Variants in ANKRD13A observed in about 807,000 individuals in gnomAD.
ANKRD13A encodes the protein ankyrin repeat domain 13A, also known as ankyrin repeat domain-containing protein 13A.
Under a neutral mutation model 81.3 loss-of-function variants are expected in ANKRD13A, and 48 were observed. That is an observed-to-expected ratio of 0.59 (90% CI 0.47 to 0.75). The LOEUF is 0.75. Ranked by LOEUF, ANKRD13A falls within the 30% of genes least tolerant of loss-of-function variation. ANKRD13A has a pLI of 0.00. For missense variants in ANKRD13A, 612 were observed against 734.0 expected, an observed-to-expected ratio of 0.83 and a Z score of 1.92; for synonymous variants, 230 against 270.1, an observed-to-expected ratio of 0.85 and a Z score of 1.45.
chr12:110,014,197 G>A (rs1191070943), intron 3 of ANKRD13A, among the ~76,000 whole-genome samples: 5 of 152,162 alleles, frequency 3.3e-5, no homozygotes, highest in African/African-American at 9.7e-5. Flanking sequence ...TGGATCACGA[G>A]GTCAGGAGAC....
intron 6 of ANKRD13A, chr12:110,023,840 C>A: frequency 2.0e-6 from 1 of 489,472 alleles, no homozygotes; most frequent in Admixed American, 3.7e-5. Flanking sequence ...TGGGGTGAGG[C>A]AAATTGATTA....
chr12:110,025,517 T>C (rs1008058195), intron 7 of ANKRD13A, among the ~76,000 whole-genome samples: 10 of 152,192 alleles, frequency 6.6e-5, no homozygotes, highest in Non-Finnish European at 1.3e-4. Context: ...CACTGCTAAC[T>C]CCTTAGTATT....
In ANKRD13A at chr12:110,039,503, T is replaced by G. The variant is rs2137204387; in HGVS notation, c.*1949T>G. 6.6e-6 allele frequency: 1 copy of G among 152,366 alleles called. No homozygotes were observed. Among genetic ancestry groups the G allele is most frequent in the African/African-American group, 2.4e-5 (1 of 41,586 alleles). 9.4% of individuals were successfully genotyped at this position (152,366 alleles called of 1,614,324 possible). A position where few individuals can be genotyped will look rare whatever the true frequency, so the allele number is the denominator to read the frequency against. On this transcript the variant is annotated 3_prime_UTR_variant, in exon 15 of 15. Coordinates refer to ENST00000261739, the MANE Select transcript of ANKRD13A (RefSeq NM_033121.2). ...GGATGTACCCACACTTCCTGTTACG[T>G]ATGTCAGTAGAACATTAGAATGCCT...
In ANKRD13A at chr12:110,036,188, C is replaced by T. The variant is rs943113757; in HGVS notation, c.1510-73C>T. ...AGACTTTTAATTTGGTTCTTGCTGC[C>T]ATCGTTTCCTTACCAGAATGGCACC... On this transcript the variant is annotated intron_variant, in intron 13 of 14. Coordinates refer to ENST00000261739, the MANE Select transcript of ANKRD13A (RefSeq NM_033121.2). This position sits in a 1 kb window ranked among gnomAD's most constrained non-coding sequence, Gnocchi z 4.6. The T allele has an allele frequency of 2.9e-6, 4 of 1,377,506 alleles. No homozygotes were observed. Among genetic ancestry groups the T allele is most frequent in the Non-Finnish European group, 4.1e-6 (4 of 965,874 alleles). The allele number at this position is 1,377,506 out of a possible 1,614,324, so 85.3% of individuals were successfully genotyped here.
chr12:110,006,389 C>T (rs897761060), intron 1 of ANKRD13A, among the ~76,000 whole-genome samples: 1 of 152,180 alleles, frequency 6.6e-6, no homozygotes, highest in African/African-American at 2.4e-5. Flanking sequence ...TTTTGATTCG[C>T]ATTTCTCTTA....
At chr12:110,028,006 T>C (rs1891444604) in intron 9 of ANKRD13A, 1 of 514,550 alleles carries the variant, frequency 1.9e-6, no homozygotes, top group Non-Finnish European at 3.5e-6. Context: ...CTCTTATCCA[T>C]TATAAACGAG....
In ANKRD13A at chr12:109,999,739, C is replaced by G; in HGVS notation, c.51C>G (p.Val17=). Residue 17 remains valine, a synonymous_variant, in exon 1 of 15, where the codon GTC becomes GTG. Transcript: ENST00000261739. The surrounding 1 kb of genome is among the most constrained non-coding windows in gnomAD (Gnocchi z 4.3). ...AGDHYPLHLL[V]WKNDYRQLEK... ...ACCACTACCCCCTGCACCTCCTAGTCTGGAAAAACGACTACCGGCAGCTCG... is the reference window on the plus strand; with the variant it reads ...ACCACTACCCCCTGCACCTCCTAGTGTGGAAAAACGACTACCGGCAGCTCG... The G allele has an allele frequency of 6.5e-7, 1 of 1,536,016 alleles. No individual in the cohort carries two copies. The highest frequency in any genetic ancestry group is 8.8e-7 in the Non-Finnish European group (1 of 1,139,508).
At chr12:110,009,624 C>T (rs1161948819) in intron 1 of ANKRD13A, among the ~76,000 whole-genome samples, 2 of 152,196 alleles carry the variant, frequency 1.3e-5, no homozygotes, top group Admixed American at 6.6e-5. Flanking sequence ...TTTAAAATCA[C>T]ACTGTCATCA....
chr12:110,028,760 C>A (rs113189922), intron 10 of ANKRD13A, 118 bp downstream of exon 10: 1 of 1,391,896 alleles, frequency 7.2e-7, no homozygotes. Flanking sequence ...TTTTTTCAGA[C>A]GGAGTCTCGC....
chr12:110,005,014 A>G (rs1477779401), intron 1 of ANKRD13A, among the ~76,000 whole-genome samples: 1 of 151,552 alleles, frequency 6.6e-6, no homozygotes, highest in Non-Finnish European at 1.5e-5. Flanking sequence ...TGATTTTTTC[A>G]AAAGATTTTT....
intron 7 of ANKRD13A, 57 bp downstream of exon 7, chr12:110,024,169 G>A: frequency 6.7e-7 from 1 of 1,488,888 alleles, no homozygotes; most frequent in East Asian, 2.3e-5. Context: ...CTATGCAAAT[G>A]AGGAATCTGT....
chr12:110,023,902 C>T (rs1017020782), intron 6 of ANKRD13A, 144 bp from the exon 7 acceptor site: 5 of 749,064 alleles, frequency 6.7e-6, no homozygotes, highest in East Asian at 2.6e-5. Context: ...CATTGCTAAC[C>T]GCCTCCTGTG....
intron 1 of ANKRD13A, among the ~76,000 whole-genome samples, chr12:110,011,240 C>T (rs1364237928): frequency 3.9e-5 from 6 of 152,198 alleles, no homozygotes; most frequent in South Asian, 4.1e-4. Flanking sequence ...GAAATTGCTG[C>T]GTGGCTCTGG....
At chr12:110,013,084 C>A in intron 2 of ANKRD13A, 41 bp from the exon 3 acceptor site, 2 of 1,608,624 alleles carry the variant, frequency 1.2e-6, no homozygotes, top group South Asian at 1.1e-5. Context: ...TGGAATTTGT[C>A]AGAAAGTATG....
intron 6 of ANKRD13A, chr12:110,022,238 G>A (rs145984681): frequency 0.021 from 3,270 of 152,124 alleles, 116 homozygotes; most frequent in African/African-American, 0.074. Context: ...TCACGAGGTC[G>A]GGAGATCGAG....
In ANKRD13A at chr12:110,036,928, T is replaced by C. The variant is rs1421866027; in HGVS notation, c.1578-431T>C. On this transcript the variant is annotated intron_variant, in intron 14 of 14. Transcript: ENST00000261739. This position sits in a 1 kb window ranked among gnomAD's most constrained non-coding sequence, Gnocchi z 4.6. ...TCAGTTTTTTCTGATTGGTTTGATC[T>C]TCTATGAATGATGTATGATCACAGG... 6.6e-6 allele frequency among the ~76,000 whole-genome samples: 1 copy of C among 152,210 alleles called. No homozygotes were observed. The highest frequency in any genetic ancestry group is 2.4e-5 in the African/African-American group (1 of 41,454).
chr12:110,033,688 T>C (rs947749821), intron 12 of ANKRD13A, 109 bp from the exon 13 acceptor site: 7 of 1,042,680 alleles, frequency 6.7e-6, no homozygotes, highest in Admixed American at 5.5e-5. Flanking sequence ...TAAGCCTTGA[T>C]TGTTATAATT....
intron 1 of ANKRD13A, among the ~76,000 whole-genome samples, chr12:110,008,255 A>G (rs1020127113): frequency 1.7e-4 from 26 of 152,130 alleles, no homozygotes; most frequent in African/African-American, 6.3e-4. Context: ...AGCTGTTGAG[A>G]TGATCATGTA....
rs745518438 is a variant in ANKRD13A, at chr12:110,037,412, T to C, written c.1631T>C (p.Leu544Pro). The change falls in exon 15 of 15, where the codon CTG (leucine) becomes CCG (proline). Residue 544 changes from leucine (L) to proline (P), a missense_variant. Coordinates refer to ENST00000261739, the MANE Select transcript of ANKRD13A (RefSeq NM_033121.2). The part of the protein sequence containing the change: ...TSTEGLCPSA[L>P]SETSRFDNDL... ...ACAGAAGGCCTGTGCCCCAGCGCCC[T>C]GAGCGAGACAAGCCGTTTTGATAAT... 6.2e-7 allele frequency: 1 copy of C among 1,614,210 alleles called. No individual in the cohort carries two copies.
Sources: allele counts gnomAD v4.1 joint callset (sites outside exome capture counted in the v4.1 genomes callset), GRCh38; gene constraint gnomAD v4.1.1; non-coding constraint Gnocchi (gnomAD v3.1); transcripts MANE v1.5; gene names NCBI Gene and HGNC (gene_info 2026-07-23, HGNC 2026-07-21).